The following GLT8D2 variants were observed in gnomAD, a reference collection of about 807,000 sequenced individuals.
GLT8D2 encodes glycosyltransferase 8 domain containing 2.
GLT8D2 carries 45 observed loss-of-function variants against 44.5 expected under a neutral mutation model. The observed-to-expected ratio is 1.01, with a 90% CI of 0.80 to 1.30. The LOEUF (loss-of-function observed/expected upper bound fraction) is 1.30, where lower values mean the gene tolerates loss of function less well. Among genes scored for constraint, GLT8D2 ranks in the 50% most tolerant of loss-of-function variants. The pLI is 0.00. For missense variants in GLT8D2, 400 were observed against 430.4 expected (o/e 0.93, Z 0.62); for synonymous variants, 156 against 157.2 (o/e 0.99, Z 0.06).
chr12:104,019,714 A>G (rs909240512), intron 2 of GLT8D2, 38 bp from the exon 3 acceptor site: 166 of 1,406,388 alleles, frequency 1.2e-4, no homozygotes, highest in Non-Finnish European at 1.6e-4. Context: ...TTAAAGGAGA[A>G]TCAACTTAAA....
At chr12:104,002,302 T>C (rs536060580) in intron 5 of GLT8D2, among the ~76,000 whole-genome samples, 3 of 152,340 alleles carry the variant, frequency 2.0e-5, no homozygotes, top group Non-Finnish European at 4.4e-5. Context: ...ATTTTTTTCC[T>C]CTGTGAATTA....
chr12:103,996,335 C>G (rs1873417596), intron 8 of GLT8D2, among the ~76,000 whole-genome samples: 1 of 152,182 alleles, frequency 6.6e-6, no homozygotes, highest in East Asian at 1.9e-4. Context: ...CAGCAAGTCT[C>G]TTTTACAGAA....
chr12:103,996,819 G>A lies in GLT8D2; in HGVS notation c.516C>T (p.Thr172=), dbSNP rs368329923. 7.4e-5 allele frequency: 119 copies of A among 1,614,006 alleles called. No individual in the cohort carries two copies. The Admixed American group carries it at 1.7e-3, about 23-fold the overall frequency. ...QGDIQELYDT[T]LALGHAAAFS... Reference sequence around the variant, plus strand: ...AAGCCGCCGCGTGGCCCAGGGCCAAGGTGGTGTCATACAGTTCTTGGATAT... The same window carrying A: ...AAGCCGCCGCGTGGCCCAGGGCCAAAGTGGTGTCATACAGTTCTTGGATAT... Residue 172 remains threonine, a synonymous_variant, in exon 8 of 11, where the codon ACC becomes ACT. Transcript: ENST00000360814.
chr12:104,016,830 G>GAA (rs1294832009), intron 3 of GLT8D2, among the ~76,000 whole-genome samples: 2 of 95,288 alleles, frequency 2.1e-5, no homozygotes, highest in Non-Finnish European at 4.5e-5. Context: ...AGAAAGAAAA[G>GAA]AAAGAAAGAA....
In GLT8D2 at chr12:103,994,407, AC is replaced by A; in HGVS notation, c.694del (p.Val232LeufsTer4). The part of the protein sequence containing the change: ...STCSFNPGVI[V>X]ANMTEWKHQR... Reference sequence around the variant, plus strand: ...GTGCTTCCATTCTGTCATGTTGGCAACAATCACACCAGGATTGAAAGAGCAG... The same window carrying A: ...GTGCTTCCATTCTGTCATGTTGGCAAAATCACACCAGGATTGAAAGAGCAG... On this transcript the variant is annotated frameshift_variant, in exon 9 of 11. Transcript: ENST00000360814. LOFTEE classifies it high-confidence loss of function. The A allele has an allele frequency of 6.2e-7, 1 of 1,614,094 alleles. No homozygotes were observed. Among genetic ancestry groups the A allele is most frequent in the Non-Finnish European group, 8.5e-7 (1 of 1,179,982 alleles).
intron 1 of GLT8D2, among the ~76,000 whole-genome samples, chr12:104,040,671 G>A (rs995170884): frequency 1.1e-4 from 17 of 152,004 alleles, no homozygotes; most frequent in Admixed American, 2.6e-4. Flanking sequence ...TGATCCACCC[G>A]CCTCAGCCTC....
At chr12:103,998,457 T>C (rs1764040768) in intron 6 of GLT8D2, among the ~76,000 whole-genome samples, 1 of 152,096 alleles carries the variant, frequency 6.6e-6, no homozygotes, top group Non-Finnish European at 1.5e-5. Context: ...TTGCCTAGGC[T>C]GGAGTGCAAT....
chr12:104,007,475 C>G (rs1208108885), intron 4 of GLT8D2, among the ~76,000 whole-genome samples: 7 of 152,136 alleles, frequency 4.6e-5, no homozygotes, highest in African/African-American at 7.2e-5. Context: ...TTTCTACCAG[C>G]TTGCTACTGC....
chr12:104,042,451 C>T (rs78694506), intron 1 of GLT8D2, among the ~76,000 whole-genome samples: 7 of 152,238 alleles, frequency 4.6e-5, no homozygotes, highest in South Asian at 2.1e-4. Flanking sequence ...TTTAAGCTGC[C>T]GTAAATCAGT....
chr12:104,030,510 C>T (rs902779574), intron 1 of GLT8D2, among the ~76,000 whole-genome samples: 5 of 151,968 alleles, frequency 3.3e-5, no homozygotes, highest in Middle Eastern at 3.2e-3. Flanking sequence ...ACCAAAAGCA[C>T]AGTTAACAAA....
intron 4 of GLT8D2, among the ~76,000 whole-genome samples, chr12:104,011,507 T>A (rs556728645): frequency 1.8e-4 from 27 of 152,112 alleles, no homozygotes; most frequent in Admixed American, 1.5e-3. Context: ...AGCTTACCTC[T>A]CCCCAAGTGG....
At chr12:104,012,170 CA>C (rs10571369) in intron 4 of GLT8D2, among the ~76,000 whole-genome samples, 932 of 83,172 alleles carry the variant, frequency 0.011, 8 homozygotes, top group African/African-American at 0.024. Context: ...AACTCTGTCT[CA>C]AAAAAAAAAA....
In GLT8D2 at chr12:103,999,315, T is replaced by A. The variant is rs1873894006; in HGVS notation, c.402+82A>T. 4.1e-6 allele frequency: 3 copies of A among 727,560 alleles called. No homozygotes were observed. In the African/African-American group the frequency reaches 5.3e-5, roughly 13 times the overall value. 45.1% of individuals were successfully genotyped at this position (727,560 alleles called of 1,614,324 possible). On this transcript the variant is annotated intron_variant, in intron 6 of 10. Coordinates refer to ENST00000360814, the MANE Select transcript of GLT8D2 (RefSeq NM_001384711.1). ...ATGGCTTCAAAAATAATATTCCACA[T>A]GCATCCCGGTGACTAGCACTCCTTT... is the stretch of plus-strand genomic sequence containing the variant.
upstream of GLT8D2, among the ~76,000 whole-genome samples, chr12:104,054,531 C>T (rs1314590965): frequency 1.3e-5 from 2 of 151,656 alleles, no homozygotes; most frequent in Admixed American, 1.3e-4. Context: ...TCTGCCTCCC[C>T]ATTGAAATAC....
At chr12:104,028,244 T>A (rs768474505) in intron 1 of GLT8D2, among the ~76,000 whole-genome samples, 5 of 152,164 alleles carry the variant, frequency 3.3e-5, no homozygotes, top group Non-Finnish European at 5.9e-5. Flanking sequence ...TTGAGAAGCA[T>A]GCAGTTTCAA....
chr12:103,994,461 A>T lies in GLT8D2; in HGVS notation c.641T>A (p.Ile214Asn), dbSNP rs1396741154. Reference sequence around the variant, plus strand: ...GCTGGGGCTGATGCCAAGGTCCTTGATGGCCTTCTTCCGGTAGTCCAGATA... The same window carrying T: ...GCTGGGGCTGATGCCAAGGTCCTTGTTGGCCTTCTTCCGGTAGTCCAGATA... ...MGYLDYRKKA[I>N]KDLGISPSTC... is the part of the protein sequence containing the mutation. The change falls in exon 9 of 11, where the codon ATC (isoleucine) becomes AAC (asparagine). Residue 214 changes from isoleucine (I) to asparagine (N), a missense_variant. Ile to Asn is a moderately radical substitution (Grantham distance 149). Coordinates refer to ENST00000360814, the MANE Select transcript of GLT8D2 (RefSeq NM_001384711.1). 11 of 1,613,978 alleles carry T rather than the reference A, an allele frequency of 6.8e-6. No individual in the cohort carries two copies. The highest frequency in any genetic ancestry group is 5.0e-5 in the Admixed American group (3 of 60,000).
At chr12:104,037,487 G>A (rs949050252) in intron 1 of GLT8D2, among the ~76,000 whole-genome samples, 9 of 150,218 alleles carry the variant, frequency 6.0e-5, no homozygotes, top group South Asian at 2.1e-4. Context: ...TATCACCACC[G>A]ATAGTACCAT....
intron 1 of GLT8D2, among the ~76,000 whole-genome samples, chr12:104,042,100 T>A (rs575247826): frequency 2.2e-4 from 34 of 152,372 alleles, no homozygotes; most frequent in South Asian, 1.2e-3. Context: ...CTCCTTTGCC[T>A]GTTTCCATAT....
chr12:104,057,357 C>T (rs1183543585), intron 1 of GLT8D2, among the ~76,000 whole-genome samples: 7 of 151,878 alleles, frequency 4.6e-5, no homozygotes, highest in African/African-American at 2.4e-5. Context: ...CCCGTCTCTA[C>T]AAAAAATAAA....
Sources: allele counts gnomAD v4.1 joint callset (sites outside exome capture counted in the v4.1 genomes callset), GRCh38; gene constraint gnomAD v4.1.1; transcripts MANE v1.5; gene names NCBI Gene and HGNC (gene_info 2026-07-23, HGNC 2026-07-21).